Variants in PRKCE observed in about 807,000 individuals in gnomAD.
PRKCE encodes protein kinase C epsilon.
Under a neutral mutation model 85.4 loss-of-function variants are expected in PRKCE, and 16 were observed. That is an observed-to-expected ratio of 0.19 (90% CI 0.13 to 0.28). The LOEUF is 0.28. PRKCE is among the 10% of genes least tolerant of loss of function. The pLI, the probability that PRKCE is intolerant of heterozygous loss-of-function variation, is 1.00. For synonymous variants in PRKCE, 388 were observed against 371.5 expected (o/e 1.04, Z -0.51); for missense variants, 573 against 975.2 (o/e 0.59, Z 5.49).
chr2:46,071,067 A>C (rs1463563777), intron 10 of PRKCE, among the ~76,000 whole-genome samples: 2 of 152,194 alleles, frequency 1.3e-5, no homozygotes, highest in African/African-American at 4.8e-5. Flanking sequence ...AAGTAAACCA[A>C]ATGCGTAGAG....
intron 2 of PRKCE, among the ~76,000 whole-genome samples, chr2:45,935,729 G>A (rs1699396433): frequency 6.6e-6 from 1 of 150,552 alleles, no homozygotes; most frequent in African/African-American, 2.4e-5. Context: ...AGGTTGCAGT[G>A]AGCCAAGATC....
chr2:45,852,254 G>C (rs1692328234), intron 2 of PRKCE, among the ~76,000 whole-genome samples: 1 of 152,172 alleles, frequency 6.6e-6, no homozygotes, highest in African/African-American at 2.4e-5. Context: ...GTGATGTTTA[G>C]TTCAAAGGGA....
chr2:45,805,911 T>C (rs1345555746), intron 1 of PRKCE, among the ~76,000 whole-genome samples: 1 of 152,206 alleles, frequency 6.6e-6, no homozygotes, highest in Non-Finnish European at 1.5e-5. Context: ...CATTACCTTC[T>C]TTATCCTATC....
intron 1 of PRKCE, among the ~76,000 whole-genome samples, chr2:45,836,978 G>A (rs1435703915): frequency 6.6e-6 from 1 of 152,190 alleles, no homozygotes; most frequent in African/African-American, 2.4e-5. Flanking sequence ...CCCAAGGAAA[G>A]GTTTGCTTAG....
intron 5 of PRKCE, among the ~76,000 whole-genome samples, chr2:45,980,751 T>C (rs571109693): frequency 1.9e-5 from 1 of 53,768 alleles, no homozygotes; most frequent in African/African-American, 9.4e-5. Flanking sequence ...AGGAACCTTG[T>C]CTAATGAGCT....
At position 46,145,111 on chromosome 2, in the gene PRKCE, C is replaced by T. The variant is rs780986917; in HGVS notation, c.1611C>T (p.Asn537=). ...CTTGCAGGGATTTGAAACTGGACAACATCCTTCTGGATGCAGAAGGTCACT... is the reference window on the plus strand; with the variant it reads ...CTTGCAGGGATTTGAAACTGGACAATATCCTTCTGGATGCAGAAGGTCACT... The part of the protein sequence containing the change: ...GVIYRDLKLD[N]ILLDAEGHCK... The change falls in exon 12 of 15, where the codon AAC becomes AAT. Residue 537 remains asparagine, a synonymous_variant. Transcript: ENST00000306156. The surrounding 1 kb of genome is among the most constrained non-coding windows in gnomAD (Gnocchi z 4.6). 1 of 1,599,760 alleles carries T rather than the reference C, an allele frequency of 6.3e-7. No homozygotes were observed. Among genetic ancestry groups the T allele is most frequent in the South Asian group, 1.1e-5 (1 of 91,088 alleles).
chr2:45,697,976 AAGAC>A lies in PRKCE; in HGVS notation c.348+45532_348+45535del. On this transcript the variant is annotated intron_variant, in intron 1 of 14. Transcript: ENST00000306156. The surrounding 1 kb of genome is among the most constrained non-coding windows in gnomAD (Gnocchi z 4.2). Reference sequence around the variant, plus strand: ...TGGAAAGCAGCCCTTTGACAGAAGAAAGACAGAGACCAGTTTCCAGTGAGCTCCT... The same window carrying A: ...TGGAAAGCAGCCCTTTGACAGAAGAAAGAGACCAGTTTCCAGTGAGCTCCT... 6.6e-6 allele frequency: 1 copy of A among 152,644 alleles called. No homozygotes were observed. The highest frequency in any genetic ancestry group is 1.9e-4 in the East Asian group (1 of 5,202). 9.5% of individuals were successfully genotyped at this position (152,644 alleles called of 1,614,324 possible).
At chr2:45,882,019 CA>C (rs1400206596) in intron 2 of PRKCE, among the ~76,000 whole-genome samples, 5 of 152,102 alleles carry the variant, frequency 3.3e-5, no homozygotes, top group Admixed American at 6.5e-5. Flanking sequence ...TCTGACTGGC[CA>C]GGGGGGAAAG....
intron 2 of PRKCE, among the ~76,000 whole-genome samples, chr2:45,906,464 C>CCAAGACAAGT (rs1696982110): frequency 1.3e-5 from 2 of 152,238 alleles, no homozygotes; most frequent in Admixed American, 6.5e-5. Flanking sequence ...CACAGTTAAA[C>CCAAGACAAGT]CAAGACAAGT....
chr2:45,847,807 TA>T (rs1250422464), intron 2 of PRKCE, among the ~76,000 whole-genome samples: 1 of 152,242 alleles, frequency 6.6e-6, no homozygotes, highest in Non-Finnish European at 1.5e-5. Flanking sequence ...CCAAAGTTCT[TA>T]GCTTTGAATC....
rs1675355254 is a variant in PRKCE, at chr2:46,139,997, G to T, written c.1593-5096G>T. 6.6e-6 allele frequency among the ~76,000 whole-genome samples: 1 copy of T among 152,048 alleles called. No individual in the cohort carries two copies. Among genetic ancestry groups the T allele is most frequent in the African/African-American group, 2.4e-5 (1 of 41,398 alleles). ...AGAAATCTGCCATAAAATGTCATAA[G>T]AAATTTATAAGATCTATATGAGAGA... On this transcript the variant is annotated intron_variant, in intron 11 of 14. Transcript: ENST00000306156. The surrounding 1 kb of genome is among the most constrained non-coding windows in gnomAD (Gnocchi z 5.2).
intron 1 of PRKCE, among the ~76,000 whole-genome samples, chr2:45,664,200 C>A (rs1191045138): frequency 6.6e-6 from 1 of 152,104 alleles, no homozygotes; most frequent in African/African-American, 2.4e-5. Flanking sequence ...TTGTAGCATC[C>A]TTCATGTCAT....
chr2:45,783,332 G>A (rs1485526063), intron 1 of PRKCE, among the ~76,000 whole-genome samples: 1 of 152,170 alleles, frequency 6.6e-6, no homozygotes, highest in Admixed American at 6.6e-5. Flanking sequence ...CCTGTGGTGA[G>A]CCTTTTTATA....
rs563567112 is a variant in PRKCE, at chr2:45,804,922, C to T, written c.349-38078C>T. Among the ~76,000 whole-genome samples, 17 of 144,126 alleles carry T rather than the reference C, an allele frequency of 1.2e-4. No individual in the cohort carries two copies. In the South Asian group the frequency reaches 3.6e-3, roughly 31 times the overall value. The allele number at this position is 144,126 out of a possible 152,430, so 94.6% of individuals were successfully genotyped here. The stretch of plus-strand genomic sequence containing the variant: ...GATTTTGTTTTAAGCCTTTTAAAGA[C>T]TTTGTTCAGCTAAACTCATCAACTT... On this transcript the variant is annotated intron_variant, in intron 1 of 14. Transcript: ENST00000306156.
chr2:45,854,224 G>A (rs1692499376), intron 2 of PRKCE, among the ~76,000 whole-genome samples: 1 of 152,194 alleles, frequency 6.6e-6, no homozygotes, highest in Non-Finnish European at 1.5e-5. Context: ...GCATTGCTGA[G>A]CCGGGAGCAC....
chr2:45,949,728 G>C (rs1157647788), intron 2 of PRKCE, among the ~76,000 whole-genome samples: 1 of 151,936 alleles, frequency 6.6e-6, no homozygotes, highest in Non-Finnish European at 1.5e-5. Flanking sequence ...TGACAACCAT[G>C]GACCTAGGAT....
At chr2:45,977,189 A>G (rs765012270) in intron 3 of PRKCE, among the ~76,000 whole-genome samples, 8 of 152,028 alleles carry the variant, frequency 5.3e-5, no homozygotes, top group Non-Finnish European at 8.8e-5. Context: ...GAGCCATTGT[A>G]CCCAGCTGAT....
intron 1 of PRKCE, among the ~76,000 whole-genome samples, chr2:45,658,606 C>T (rs568352944): frequency 1.3e-5 from 2 of 152,248 alleles, no homozygotes; most frequent in Admixed American, 6.5e-5. Flanking sequence ...ATGGAAATGT[C>T]GTAGGTCTTG....
At chr2:45,743,019 A>G (rs1024300826) in intron 1 of PRKCE, among the ~76,000 whole-genome samples, 3 of 152,246 alleles carry the variant, frequency 2.0e-5, no homozygotes, top group African/African-American at 7.2e-5. Context: ...TAAGCCAGTC[A>G]TAGAAAAATA....
Sources: allele counts gnomAD v4.1 joint callset (sites outside exome capture counted in the v4.1 genomes callset), GRCh38; gene constraint gnomAD v4.1.1; non-coding constraint Gnocchi (gnomAD v3.1); transcripts MANE v1.5; gene names NCBI Gene and HGNC (gene_info 2026-07-23, HGNC 2026-07-21).